The following DCT variants were observed in gnomAD, a reference collection of about 807,000 sequenced individuals.
DCT encodes dopachrome tautomerase.
In DCT, 47 loss-of-function variants were observed where a neutral mutation model predicts 53.0. The observed-to-expected ratio is 0.89, with a 90% confidence interval of 0.70 to 1.13. The LOEUF is 1.13. DCT is among the 50% of genes most tolerant of loss of function. The probability of loss-of-function intolerance (pLI) is 0.00; values close to 1 mark genes in which losing one functional copy is unlikely to be tolerated. For missense variants in DCT, 669 were observed against 637.4 expected (o/e 1.05, Z -0.53); for synonymous variants, 244 against 237.0 (o/e 1.03, Z -0.27).
the DCT span, among the ~76,000 whole-genome samples, chr13:94,496,159 A>G: frequency 6.6e-6 from 1 of 152,250 alleles, no homozygotes; most frequent in East Asian, 1.9e-4. Context: ...TAAGAGCTGT[A>G]GTCTATACTT....
intron 1 of DCT, among the ~76,000 whole-genome samples, chr13:94,471,924 G>T (rs1029185027): frequency 6.6e-6 from 1 of 152,114 alleles, no homozygotes; most frequent in Admixed American, 6.6e-5. Flanking sequence ...TGCAGAGTGT[G>T]GGGGAGAAGG....
At chr13:94,499,173 CAG>C in the DCT span, among the ~76,000 whole-genome samples, 2 of 152,150 alleles carry the variant, frequency 1.3e-5, no homozygotes, top group African/African-American at 2.4e-5. Context: ...ACACTGGCTG[CAG>C]AGGTCTGCAG....
chr13:94,466,478 A>G, intron 3 of DCT, 80 bp downstream of exon 3: 1 of 841,938 alleles, frequency 1.2e-6, no homozygotes, highest in Non-Finnish European at 1.8e-6. Flanking sequence ...AAGTATATCA[A>G]AATTCACACT....
At chr13:94,527,409 C>A in the DCT span, among the ~76,000 whole-genome samples, 2 of 152,204 alleles carry the variant, frequency 1.3e-5, no homozygotes, top group East Asian at 3.9e-4. Flanking sequence ...CAGGCAGGTG[C>A]CCCCTGGGAA....
chr13:94,471,259 G>A lies in DCT; in HGVS notation c.296-2214C>T, dbSNP rs192785617. Among the ~76,000 whole-genome samples the A allele has an allele frequency of 1.2e-3, 178 of 152,178 alleles. 3 individuals are homozygous for A. Among genetic ancestry groups the A allele is most frequent in the African/African-American group, 4.1e-3 (171 of 41,532 alleles). ...AGAAAATTTCCTTAAAATGTAAGTA[G>A]GGAGAATTTTTTCTAATTGTAATCG... On this transcript the variant is annotated intron_variant, in intron 1 of 7. Transcript: ENST00000377028.
At chr13:94,498,836 A>G in the DCT span, among the ~76,000 whole-genome samples, 1 of 152,190 alleles carries the variant, frequency 6.6e-6, no homozygotes, top group Non-Finnish European at 1.5e-5. Context: ...AAACACACCA[A>G]TCATTGCTCT....
At chr13:94,467,628 T>G (rs1388375970) in intron 2 of DCT, 1 of 152,176 alleles carries the variant, frequency 6.6e-6, no homozygotes, top group African/African-American at 2.4e-5. Flanking sequence ...AGACTCACAC[T>G]GAGAAAAGCA....
chr13:94,451,062 C>G lies in DCT; in HGVS notation c.1180-7425G>C, dbSNP rs571734363. Among the ~76,000 whole-genome samples the G allele has an allele frequency of 2.0e-5, 3 of 152,040 alleles. No homozygotes were observed. In the East Asian group the frequency reaches 5.8e-4, roughly 29 times the overall value. ...TGTGAAATTAAAGAAAACAAGCCAG[C>G]CCCCAGCCTAGTCCATAGAAACACT... On this transcript the variant is annotated intron_variant, in intron 6 of 7. Coordinates refer to ENST00000377028, the MANE Select transcript of DCT (RefSeq NM_001922.5).
chr13:94,490,516 A>AAAAAAAAAAAAAAAC, the DCT span, among the ~76,000 whole-genome samples: 1 of 140,316 alleles, frequency 7.1e-6, no homozygotes, highest in Non-Finnish European at 1.6e-5. Context: ...AAAAAAAAAA[A>AAAAAAAAAAAAAAAC]AAAAAAAAAA....
At chr13:94,529,516 G>A in the DCT span, among the ~76,000 whole-genome samples, 2 of 152,082 alleles carry the variant, frequency 1.3e-5, no homozygotes, top group African/African-American at 2.4e-5. Flanking sequence ...ACATGGAAAC[G>A]GAACAACCTG....
At chr13:94,476,469 C>CTTTTTTT (rs57154236) in intron 1 of DCT, among the ~76,000 whole-genome samples, 2 of 111,054 alleles carry the variant, frequency 1.8e-5, no homozygotes, top group South Asian at 2.9e-4. Flanking sequence ...TTGGCACTTT[C>CTTTTTTT]TTTTTTTTTT....
At chr13:94,476,489 T>TC (rs1885095400) in intron 1 of DCT, among the ~76,000 whole-genome samples, 1 of 131,154 alleles carries the variant, frequency 7.6e-6, no homozygotes, top group South Asian at 2.4e-4. Flanking sequence ...TTTTTTTTTT[T>TC]CTGAGACACA....
chr13:94,539,699 T>C, the DCT span, among the ~76,000 whole-genome samples: 1 of 152,196 alleles, frequency 6.6e-6, no homozygotes, highest in African/African-American at 2.4e-5. Context: ...CAACATTATC[T>C]TTAGAATTTG....
intron 1 of DCT, among the ~76,000 whole-genome samples, chr13:94,477,836 C>T (rs1308022181): frequency 6.6e-6 from 1 of 152,172 alleles, no homozygotes; most frequent in Non-Finnish European, 1.5e-5. Flanking sequence ...TCTGCAACCA[C>T]CCAGCCTACA....
the DCT span, among the ~76,000 whole-genome samples, chr13:94,546,607 C>T: frequency 6.6e-6 from 1 of 152,016 alleles, no homozygotes; most frequent in African/African-American, 2.4e-5. The surrounding 1 kb of genome is among the most constrained non-coding windows in gnomAD (Gnocchi z 4.2). Context: ...AGCAGGAGAG[C>T]CCCCCTCCCC....
intron 1 of DCT, among the ~76,000 whole-genome samples, chr13:94,473,140 T>C (rs1319716545): frequency 6.6e-6 from 1 of 152,176 alleles, no homozygotes; most frequent in Non-Finnish European, 1.5e-5. Context: ...ACAGATGGCC[T>C]CTGACTTATG....
the DCT span, among the ~76,000 whole-genome samples, chr13:94,492,465 A>G: frequency 1.3e-5 from 2 of 152,204 alleles, no homozygotes; most frequent in African/African-American, 4.8e-5. Flanking sequence ...CCAGGGCAAC[A>G]TGACTGGCTA....
intron 1 of DCT, among the ~76,000 whole-genome samples, chr13:94,470,704 T>A (rs930565689): frequency 3.3e-5 from 5 of 152,100 alleles, no homozygotes; most frequent in Non-Finnish European, 7.4e-5. Context: ...CTCCCTAAAT[T>A]CCTCTTTACC....
intron 4 of DCT, 185 bp downstream of exon 4, chr13:94,465,448 T>A (rs80025260): frequency 8.1e-4 from 221 of 274,442 alleles, no homozygotes; most frequent in East Asian, 2.1e-3. Context: ...ATTTTGATAT[T>A]TTTTTTTTAA....
Sources: allele counts gnomAD v4.1 joint callset (sites outside exome capture counted in the v4.1 genomes callset), GRCh38; gene constraint gnomAD v4.1.1; non-coding constraint Gnocchi (gnomAD v3.1); transcripts MANE v1.5; gene names NCBI Gene and HGNC (gene_info 2026-07-23, HGNC 2026-07-21).